Variants in PAX8 observed in about 807,000 individuals in gnomAD.
PAX8 encodes paired box 8, also known as paired box protein Pax-8.
Under a neutral mutation model 52.4 loss-of-function variants are expected in PAX8, and 15 were observed. The ratio of observed to expected loss-of-function variants is 0.29; its 90% CI spans 0.19 to 0.44. PAX8 has a LOEUF of 0.44. PAX8 is among the 20% of genes least tolerant of loss of function. The pLI, the probability that PAX8 is intolerant of heterozygous loss-of-function variation, is 1.00. For missense variants in PAX8, 554 were observed against 602.5 expected, an observed-to-expected ratio of 0.92 and a Z score of 0.84; for synonymous variants, 284 against 249.7, an observed-to-expected ratio of 1.14 and a Z score of -1.29.
intron 6 of PAX8, 97 bp downstream of exon 6, chr2:113,241,911 A>C: frequency 1.3e-6 from 2 of 1,506,678 alleles, no homozygotes; most frequent in Non-Finnish European, 1.8e-6. Flanking sequence ...AGCCCCTACA[A>C]AGTCCCATAT....
At chr2:113,245,279 C>T (rs1183427002) in intron 3 of PAX8, among the ~76,000 whole-genome samples, 4 of 152,170 alleles carry the variant, frequency 2.6e-5, no homozygotes, top group African/African-American at 9.7e-5. Flanking sequence ...CCCCTGACCT[C>T]AAGTGATCCG....
At chr2:113,236,773 T>A in intron 7 of PAX8, 52 bp from the exon 8 acceptor site, 1 of 1,538,214 alleles carries the variant, frequency 6.5e-7, no homozygotes. Context: ...AAGCCGACCT[T>A]CCTGCAGACC....
In PAX8 at chr2:113,235,628, C is replaced by CG. The variant is rs1558701080; in HGVS notation, c.899-47dup. On this transcript the variant is annotated intron_variant, in intron 8 of 11. Coordinates refer to ENST00000429538, the MANE Select transcript of PAX8 (RefSeq NM_003466.4). ...ACAAGGAGAGAGGGGTGTGAGATGG[C>CG]GGGGAGGGAACACGCACAAGCCAAG... The CG allele has an allele frequency of 2.0e-6, 3 of 1,495,428 alleles. No homozygotes were observed. The Admixed American group carries it at 5.4e-5, about 27-fold the overall frequency. 92.6% of individuals were successfully genotyped at this position (1,495,428 alleles called of 1,614,324 possible).
intron 9 of PAX8, among the ~76,000 whole-genome samples, chr2:113,229,188 G>A (rs747617980): frequency 7.9e-5 from 12 of 152,124 alleles, no homozygotes; most frequent in Non-Finnish European, 1.5e-4. Context: ...AGAGGGCCTG[G>A]AGTCCTTATA....
chr2:113,253,152 C>T (rs1691918717), intron 2 of PAX8, among the ~76,000 whole-genome samples: 1 of 152,184 alleles, frequency 6.6e-6, no homozygotes, highest in Non-Finnish European at 1.5e-5. Context: ...TCAGTCTAGG[C>T]TTTTTGCTTT....
chr2:113,266,647 G>A (rs1486962911), intron 2 of PAX8: 1 of 152,192 alleles, frequency 6.6e-6, no homozygotes, highest in Non-Finnish European at 1.5e-5. Flanking sequence ...AGCACATGGG[G>A]CACCCGGAAG....
At chr2:113,249,799 C>T (rs1691616495) in intron 2 of PAX8, among the ~76,000 whole-genome samples, 1 of 152,160 alleles carries the variant, frequency 6.6e-6, no homozygotes, top group Admixed American at 6.5e-5. Flanking sequence ...ATTTGACTGT[C>T]TTCTGAATGA....
Position 113,278,836 on chromosome 2 carries a change from C to T in PAX8, c.-81G>A. On this transcript the variant is annotated 5_prime_UTR_variant, in exon 1 of 12. Transcript: ENST00000429538. ...CTAACCCCTGGGTGACATACCTGGC[C>T]GGCCGGCTGCAGGCCCTCACTGCTT... The T allele has an allele frequency of 9.4e-7, 1 of 1,066,822 alleles. No individual in the cohort carries two copies. The highest frequency in any genetic ancestry group is 1.1e-6 in the Non-Finnish European group (1 of 879,284). The allele number at this position is 1,066,822 out of a possible 1,614,324, so 66.1% of individuals were successfully genotyped here. A position where few individuals can be genotyped will look rare whatever the true frequency, so the allele number is the denominator to read the frequency against.
chr2:113,255,581 G>A (rs1277714747), intron 2 of PAX8: 1 of 152,342 alleles, frequency 6.6e-6, no homozygotes, highest in Non-Finnish European at 1.5e-5. Context: ...ACTGTTGAGA[G>A]CAGCTTTATG....
At chr2:113,248,054 A>G (rs1691468106) in intron 2 of PAX8, among the ~76,000 whole-genome samples, 1 of 152,180 alleles carries the variant, frequency 6.6e-6, no homozygotes, top group East Asian at 1.9e-4. Flanking sequence ...AAACTGTTCC[A>G]GGCAGTGGGA....
rs140910897 is a variant in PAX8 at position 113,235,071 on chromosome 2, A to C, written c.1087+323T>G. Among the ~76,000 whole-genome samples the C allele has an allele frequency of 1.2e-4, 19 of 152,190 alleles. No individual in the cohort carries two copies. In the East Asian group the frequency reaches 3.5e-3, roughly 28 times the overall value. ...ATTCCTTTTTCCCTCCAAAATGTTC[A>C]TTTTTCCTTCTATCTATTTATGCAT... On this transcript the variant is annotated intron_variant, in intron 9 of 11. Transcript: ENST00000429538.
intron 7 of PAX8, chr2:113,236,932 T>A: frequency 1.6e-6 from 1 of 612,272 alleles, no homozygotes; most frequent in African/African-American, 1.9e-5. Flanking sequence ...GGCCAGCTGG[T>A]AGCATGGGTG....
At chr2:113,235,640 A>C (rs1275280899) in intron 8 of PAX8, 58 bp from the exon 9 acceptor site, 12 of 1,412,732 alleles carry the variant, frequency 8.5e-6, no homozygotes, top group Non-Finnish European at 1.2e-5. Context: ...GGGAGGGAAC[A>C]CGCACAAGCC....
At chr2:113,226,412 A>C (rs1023159346) in intron 10 of PAX8, 19 of 985,898 alleles carry the variant, frequency 1.9e-5, no homozygotes, top group Non-Finnish European at 2.3e-5. Flanking sequence ...AAAAATTGAG[A>C]CTTGCCCAAG....
intron 2 of PAX8, among the ~76,000 whole-genome samples, chr2:113,254,474 A>C (rs1692040601): frequency 6.6e-6 from 1 of 152,192 alleles, no homozygotes. Flanking sequence ...GTGGAAGGTG[A>C]GTAGGAGTTA....
At chr2:113,236,839 C>T (rs902029431) in intron 7 of PAX8, 118 bp from the exon 8 acceptor site, 4 of 1,218,882 alleles carry the variant, frequency 3.3e-6, no homozygotes, top group African/African-American at 1.5e-5. Flanking sequence ...AGGTCCTCAT[C>T]GCCCCCTTCT....
At chr2:113,253,154 T>C (rs574041707) in intron 2 of PAX8, among the ~76,000 whole-genome samples, 1 of 152,274 alleles carries the variant, frequency 6.6e-6, no homozygotes, top group African/African-American at 2.4e-5. Flanking sequence ...AGTCTAGGCT[T>C]TTTGCTTTGC....
chr2:113,219,411 C>T (rs1271312345), intron 11 of PAX8, among the ~76,000 whole-genome samples: 1 of 152,140 alleles, frequency 6.6e-6, no homozygotes, highest in African/African-American at 2.4e-5. Flanking sequence ...CCTCAAGTCC[C>T]CCCATTGGTG....
At chr2:113,226,729 A>ACTGGGATTCAC (rs1689601313) in intron 10 of PAX8, 2 of 1,132,640 alleles carry the variant, frequency 1.8e-6, no homozygotes, top group African/African-American at 3.2e-5. Flanking sequence ...GAACGGGTAA[A>ACTGGGATTCAC]CTGGGATTCA....
Sources: gnomAD v4.1 joint callset for allele counts (sites outside exome capture counted in the v4.1 genomes callset) on GRCh38, gnomAD v4.1.1 for gene constraint, MANE v1.5 for transcripts, NCBI Gene and HGNC (gene_info 2026-07-23, HGNC 2026-07-21) for gene names.